The following ABHD3 variants were observed in gnomAD, a reference collection of about 807,000 sequenced individuals.
ABHD3 encodes phospholipase ABHD3.
In ABHD3, 46 loss-of-function variants were observed where a neutral mutation model predicts 48.8. The ratio of observed to expected loss-of-function variants is 0.94; its 90% CI spans 0.74 to 1.20. ABHD3 has a LOEUF of 1.20. Ranked by LOEUF, ABHD3 falls within the 50% of genes most tolerant of loss-of-function variation. The pLI, the probability that ABHD3 is intolerant of heterozygous loss-of-function variation, is 0.00. For missense variants in ABHD3, 490 were observed against 497.8 expected, an observed-to-expected ratio of 0.98 and a Z score of 0.15; for synonymous variants, 192 against 183.7, an observed-to-expected ratio of 1.04 and a Z score of -0.36.
chr18:21,674,849 C>G (rs1339473786), intron 4 of ABHD3, among the ~76,000 whole-genome samples: 2 of 152,058 alleles, frequency 1.3e-5, no homozygotes, highest in Admixed American at 1.3e-4. Context: ...TATACCCCTC[C>G]TCCCTCTGGC....
chr18:21,695,393 G>A (rs895480522), intron 3 of ABHD3, among the ~76,000 whole-genome samples: 7 of 152,144 alleles, frequency 4.6e-5, no homozygotes, highest in Non-Finnish European at 1.0e-4. Context: ...AGCAAAAGTG[G>A]TGTGCACAAT....
chr18:21,703,660 C>T lies in ABHD3; in HGVS notation c.250G>A (p.Val84Ile), dbSNP rs781043276. The change falls in exon 2 of 9, where the codon GTC becomes ATC. Residue 84 changes from valine to isoleucine, a missense_variant. Val to Ile is a conservative substitution (Grantham distance 29). Coordinates refer to ENST00000289119, the MANE Select transcript of ABHD3 (RefSeq NM_138340.5). ...TGTCCTCGACCCTCCCAGCACCAGACCGTCGGGTAGTACGTTTCTGTAACC... is the reference window on the plus strand; with the variant it reads ...TGTCCTCGACCCTCCCAGCACCAGATCGTCGGGTAGTACGTTTCTGTAACC... ...PVVTETYYPT[V>I]WCWEGRGQTL... 92 of 1,614,040 alleles carry T rather than the reference C, an allele frequency of 5.7e-5. No homozygotes were observed. Among genetic ancestry groups the T allele is most frequent in the Non-Finnish European group, 7.5e-5 (89 of 1,180,038 alleles).
intron 4 of ABHD3, among the ~76,000 whole-genome samples, chr18:21,679,875 T>C (rs1291152185): frequency 1.3e-5 from 2 of 152,014 alleles, no homozygotes; most frequent in Non-Finnish European, 2.9e-5. Flanking sequence ...GGTTTCGCCA[T>C]GTTGGCCAGG....
intron 2 of ABHD3, 80 bp from the exon 3 acceptor site, chr18:21,702,578 T>G (rs2040537485): frequency 8.2e-7 from 1 of 1,215,370 alleles, no homozygotes; most frequent in South Asian, 1.7e-5. Flanking sequence ...CACATGACAT[T>G]ATTTGCTCAT....
chr18:21,664,178 T>C lies in ABHD3; in HGVS notation c.608A>G (p.His203Arg). The change falls in exon 5 of 9, where the codon CAC becomes CGC. Residue 203 changes from histidine to arginine, a missense_variant. Transcript: ENST00000289119. ...AGAAGGGTACAGGCTGTGTACATGGTGAATAACTGTCTCCAAGTCTTCAGT... is the reference window on the plus strand; with the variant it reads ...AGAAGGGTACAGGCTGTGTACATGGCGAATAACTGTCTCCAAGTCTTCAGT... ...ANTEDLETVI[H>R]HVHSLYPSAP... is the part of the protein sequence containing the mutation. 1.2e-6 allele frequency: 2 copies of C among 1,614,022 alleles called. No homozygotes were observed. Among genetic ancestry groups the C allele is most frequent in the Non-Finnish European group, 1.7e-6 (2 of 1,179,996 alleles).
At chr18:21,682,871 G>C (rs1165872144) in intron 4 of ABHD3, 1 of 152,180 alleles carries the variant, frequency 6.6e-6, no homozygotes, top group Non-Finnish European at 1.5e-5. Context: ...GATTCCTAAA[G>C]GGCTGGATTG....
At chr18:21,691,241 A>C (rs1191906648) in intron 3 of ABHD3, among the ~76,000 whole-genome samples, 3 of 152,200 alleles carry the variant, frequency 2.0e-5, no homozygotes, top group Non-Finnish European at 4.4e-5. Context: ...ACAATCTTAA[A>C]TGTGTATGTG....
At chr18:21,697,486 T>C (rs143099820) in intron 3 of ABHD3, among the ~76,000 whole-genome samples, 3,703 of 152,254 alleles carry the variant, frequency 0.024, 158 homozygotes, top group African/African-American at 0.085. Flanking sequence ...TTCAAGCGAT[T>C]CTCCTGCCTC....
intron 1 of ABHD3, 76 bp downstream of exon 1, chr18:21,704,428 C>G: frequency 6.4e-6 from 8 of 1,240,746 alleles, no homozygotes; most frequent in Non-Finnish European, 8.2e-6. Context: ...CGCCCCTGGC[C>G]GCGCAGCCTC....
chr18:21,681,512 C>CCCAGCCT (rs995735680), intron 4 of ABHD3, among the ~76,000 whole-genome samples: 24 of 152,224 alleles, frequency 1.6e-4, no homozygotes, highest in African/African-American at 3.1e-4. Context: ...TAACTGGCCT[C>CCCAGCCT]CCAGCCTCCA....
intron 3 of ABHD3, among the ~76,000 whole-genome samples, chr18:21,688,204 C>T (rs2040170919): frequency 6.6e-6 from 1 of 152,154 alleles, no homozygotes; most frequent in Non-Finnish European, 1.5e-5. Flanking sequence ...GTGAAACTTC[C>T]ATGGGTTGTG....
chr18:21,687,201 T>A (rs1306961887), intron 3 of ABHD3, among the ~76,000 whole-genome samples: 2 of 151,972 alleles, frequency 1.3e-5, no homozygotes, highest in African/African-American at 4.8e-5. Context: ...TGAGCCACTG[T>A]GCCCAGCCTG....
intron 5 of ABHD3, among the ~76,000 whole-genome samples, chr18:21,661,372 T>G (rs1454307543): frequency 6.6e-6 from 1 of 152,128 alleles, no homozygotes; most frequent in African/African-American, 2.4e-5. Flanking sequence ...GCGCAGTGGC[T>G]CATGCCTGTA....
chr18:21,663,814 G>T (rs2039557674), intron 5 of ABHD3: 1 of 1,530,802 alleles, frequency 6.5e-7, no homozygotes, highest in Non-Finnish European at 8.7e-7. Flanking sequence ...AGTGCGTCAG[G>T]AATCAGAAGG....
chr18:21,687,941 A>C (rs557052127), intron 3 of ABHD3, among the ~76,000 whole-genome samples: 1 of 152,266 alleles, frequency 6.6e-6, no homozygotes, highest in Non-Finnish European at 1.5e-5. Context: ...TGCCCCAGGC[A>C]TAACAACCAA....
intron 6 of ABHD3, 110 bp downstream of exon 6, chr18:21,659,060 C>G: frequency 8.8e-7 from 1 of 1,130,070 alleles, no homozygotes; most frequent in Admixed American, 2.6e-5. Flanking sequence ...AGGATGGTCT[C>G]GATCTCCTGA....
intron 4 of ABHD3, among the ~76,000 whole-genome samples, chr18:21,668,200 C>CAAAAAAAAAAAAAAAAAAAAAAA (rs747590942): frequency 1.1e-4 from 7 of 61,352 alleles, no homozygotes; most frequent in East Asian, 5.0e-4. Flanking sequence ...GAATCTATCT[C>CAAAAAAAAAAAAAAAAAAAAAAA]AAAAAAAAAA....
At chr18:21,684,194 T>C (rs1007777251) in intron 3 of ABHD3, among the ~76,000 whole-genome samples, 6 of 152,180 alleles carry the variant, frequency 3.9e-5, no homozygotes, top group African/African-American at 1.4e-4. Flanking sequence ...ACTGAAGTGA[T>C]GTTAATTTTT....
At chr18:21,682,284 A>G (rs1297883121) in intron 4 of ABHD3, 3 of 152,248 alleles carry the variant, frequency 2.0e-5, no homozygotes, top group Admixed American at 1.3e-4. Context: ...ATCCAGCCAT[A>G]GTAAGTAGCT....
Sources: allele counts gnomAD v4.1 joint callset (sites outside exome capture counted in the v4.1 genomes callset), GRCh38; gene constraint gnomAD v4.1.1; transcripts MANE v1.5; gene names NCBI Gene and HGNC (gene_info 2026-07-23, HGNC 2026-07-21).